CDH18: variants seen among roughly 807,000 people sequenced by gnomAD.
The protein encoded by CDH18 is cadherin-18.
CDH18 carries 31 observed loss-of-function variants against 67.9 expected under a neutral mutation model. The ratio of observed to expected loss-of-function variants is 0.46; its 90% CI spans 0.34 to 0.62. The LOEUF (loss-of-function observed/expected upper bound fraction) is 0.62, where lower values mean the gene tolerates loss of function less well. Ranked by LOEUF, CDH18 falls within the 20% of genes least tolerant of loss-of-function variation. The pLI is 0.01. For synonymous variants in CDH18, 362 were observed against 347.2 expected (o/e 1.04, Z -0.48); for missense variants, 890 against 975.5 (o/e 0.91, Z 1.17).
At chr5:19,768,383 G>A (rs924737913) in intron 3 of CDH18, among the ~76,000 whole-genome samples, 2 of 152,120 alleles carry the variant, frequency 1.3e-5, no homozygotes, top group Non-Finnish European at 2.9e-5. Context: ...AGAAAATCTA[G>A]AAGTCACATG....
intron 4 of CDH18, among the ~76,000 whole-genome samples, chr5:19,744,601 G>C (rs894970711): frequency 6.7e-6 from 1 of 149,128 alleles, no homozygotes; most frequent in African/African-American, 2.5e-5. Context: ...TTGACTTTTA[G>C]ATCTCTGTTC....
chr5:20,020,689 C>T (rs1208696275), intron 2 of CDH18, among the ~76,000 whole-genome samples: 1 of 152,094 alleles, frequency 6.6e-6, no homozygotes, highest in African/African-American at 2.4e-5. Flanking sequence ...GAGTCTCTTC[C>T]TCAATTTCAG....
At position 20,239,492 on chromosome 5, in the gene CDH18, G is replaced by A. The variant is rs150877815; in HGVS notation, c.-518+15952C>T. 5.7e-4 allele frequency among the ~76,000 whole-genome samples: 86 copies of A among 152,092 alleles called. No homozygotes were observed. The South Asian group carries it at 0.016, about 28-fold the overall frequency. ...AAATTAAATAAATAAAGAAGTTCCG[G>A]TAAATGCAAAGTAATTTATATTACC... On this transcript the variant is annotated intron_variant, in intron 2 of 14. Coordinates refer to the CDH18 transcript ENST00000507958.
chr5:19,762,323 A>G (rs547244019), intron 3 of CDH18, among the ~76,000 whole-genome samples: 10 of 152,218 alleles, frequency 6.6e-5, no homozygotes, highest in Admixed American at 3.9e-4. Context: ...GAATGGGAGA[A>G]AATTTTTGCA....
chr5:19,919,626 G>T (rs981473785), intron 2 of CDH18, among the ~76,000 whole-genome samples: 1 of 152,128 alleles, frequency 6.6e-6, no homozygotes, highest in African/African-American at 2.4e-5. Flanking sequence ...AATTATAAGG[G>T]TAGTAGATAT....
chr5:20,115,793 G>T (rs1409313626), intron 2 of CDH18, among the ~76,000 whole-genome samples: 1 of 152,078 alleles, frequency 6.6e-6, no homozygotes, highest in South Asian at 2.1e-4. Context: ...TGGTTCAGGG[G>T]AGAAAAAATG....
intron 1 of CDH18, among the ~76,000 whole-genome samples, chr5:20,416,535 T>C (rs926636264): frequency 3.3e-5 from 5 of 152,212 alleles, no homozygotes; most frequent in Admixed American, 2.6e-4. Flanking sequence ...TGGAAATCAG[T>C]CTGAGAATGA....
intron 6 of CDH18, among the ~76,000 whole-genome samples, chr5:19,595,916 A>G (rs760383709): frequency 7.2e-5 from 11 of 152,208 alleles, no homozygotes; most frequent in Non-Finnish European, 5.9e-5. Context: ...CTTCTTTTAA[A>G]CAAACAATCC....
At chr5:19,785,635 C>A (rs1265396080) in intron 3 of CDH18, among the ~76,000 whole-genome samples, 1 of 61,332 alleles carries the variant, frequency 1.6e-5, no homozygotes, top group Non-Finnish European at 3.0e-5. Flanking sequence ...GCCTCGGCAA[C>A]AAGAGCAAAA....
At chr5:20,375,586 C>T (rs1743347356) in intron 1 of CDH18, among the ~76,000 whole-genome samples, 1 of 152,256 alleles carries the variant, frequency 6.6e-6, no homozygotes. Flanking sequence ...ATAGAGTCAC[C>T]TGGCCTCCAT....
At chr5:19,508,565 C>G (rs1048504356) in intron 10 of CDH18, among the ~76,000 whole-genome samples, 9 of 144,186 alleles carry the variant, frequency 6.2e-5, no homozygotes, top group African/African-American at 2.1e-4. Context: ...ATTACAAAAG[C>G]AAAGGGTGAA....
At chr5:19,655,916 T>C (rs948303705) in intron 5 of CDH18, among the ~76,000 whole-genome samples, 1 of 151,414 alleles carries the variant, frequency 6.6e-6, no homozygotes, top group African/African-American at 2.4e-5. Context: ...GGGATTAAGA[T>C]GAAAGCAAAT....
chr5:20,329,508 A>G (rs1408080120), intron 1 of CDH18, among the ~76,000 whole-genome samples: 1 of 152,066 alleles, frequency 6.6e-6, no homozygotes, highest in Non-Finnish European at 1.5e-5. Flanking sequence ...CACGCCTGTA[A>G]TCTCAGCATT....
chr5:19,871,208 A>T (rs1364181002), intron 2 of CDH18, among the ~76,000 whole-genome samples: 1 of 152,158 alleles, frequency 6.6e-6, no homozygotes, highest in African/African-American at 2.4e-5. Flanking sequence ...TCACTAATAG[A>T]ATGACAGCAT....
intron 2 of CDH18, among the ~76,000 whole-genome samples, chr5:20,182,971 T>C (rs1338711360): frequency 2.0e-5 from 3 of 152,070 alleles, no homozygotes; most frequent in Admixed American, 6.6e-5. Flanking sequence ...AGGGTATAGG[T>C]TCTGGAACCC....
chr5:19,885,696 G>A (rs576645740), intron 2 of CDH18, among the ~76,000 whole-genome samples: 10 of 152,254 alleles, frequency 6.6e-5, no homozygotes, highest in South Asian at 6.2e-4. Flanking sequence ...GAGCAAGCTA[G>A]GACTACAGGC....
At chr5:19,683,607 G>A (rs1760645203) in intron 5 of CDH18, among the ~76,000 whole-genome samples, 1 of 151,936 alleles carries the variant, frequency 6.6e-6, no homozygotes, top group Non-Finnish European at 1.5e-5. Context: ...CTGATTTTGG[G>A]TTTATTTAAG....
chr5:20,133,592 G>T lies in CDH18; in HGVS notation c.-518+121852C>A, dbSNP rs111731269. ...TTGTTTTCTTTACTCTTATAACACT[G>T]TAAATATTTCACTCCTTTCTTGATG... On this transcript the variant is annotated intron_variant, in intron 2 of 14. Transcript: ENST00000507958. Among the ~76,000 whole-genome samples, 382 of 152,152 alleles carry T rather than the reference G, an allele frequency of 2.5e-3. 1 individual carries two copies. The highest frequency in any genetic ancestry group is 8.7e-3 in the African/African-American group (360 of 41,540).
At chr5:20,273,739 A>C (rs1185019862) in intron 1 of CDH18, among the ~76,000 whole-genome samples, 3 of 152,142 alleles carry the variant, frequency 2.0e-5, no homozygotes. Context: ...AGCTATCAGT[A>C]AATAGATGAC....
Sources: gnomAD v4.1 joint callset for allele counts (sites outside exome capture counted in the v4.1 genomes callset) on GRCh38, gnomAD v4.1.1 for gene constraint, MANE v1.5 for transcripts, NCBI Gene and HGNC (gene_info 2026-07-23, HGNC 2026-07-21) for gene names.